The following VDAC2 variants were observed in gnomAD, a reference collection of about 807,000 sequenced individuals.
VDAC2 encodes the protein voltage dependent anion channel 2, also known as non-selective voltage-gated ion channel VDAC2.
A neutral mutation model predicts 36.6 loss-of-function variants in VDAC2; 6 were observed. That is an observed-to-expected ratio of 0.16 (90% CI 0.09 to 0.32). The LOEUF (loss-of-function observed/expected upper bound fraction) is 0.32, where lower values mean the gene tolerates loss of function less well. VDAC2 is among the 10% of genes least tolerant of loss of function. VDAC2 has a pLI of 1.00. For missense variants in VDAC2, 247 were observed against 346.0 expected (o/e 0.71, Z 2.27); for synonymous variants, 109 against 123.8 (o/e 0.88, Z 0.79).
chr10:75,226,426 A>G (rs1009899309), intron 8 of VDAC2, among the ~76,000 whole-genome samples: 1 of 150,030 alleles, frequency 6.7e-6, no homozygotes, highest in African/African-American at 2.5e-5. Flanking sequence ...TCCAGAGCAT[A>G]AAAGTGAAAG....
chr10:75,213,000 C>T (rs1413634571), intron 3 of VDAC2, among the ~76,000 whole-genome samples: 1 of 152,116 alleles, frequency 6.6e-6, no homozygotes, highest in Non-Finnish European at 1.5e-5. Flanking sequence ...GTTCCATACC[C>T]TCCTCCCCTT....
At chr10:75,211,418 C>G in intron 2 of VDAC2, 1 of 1,458,406 alleles carries the variant, frequency 6.9e-7, no homozygotes, top group African/African-American at 1.4e-5. Flanking sequence ...GACTTTTCAG[C>G]CTTTGTACAT....
chr10:75,223,724 C>T (rs545893479), intron 8 of VDAC2, among the ~76,000 whole-genome samples: 16 of 152,236 alleles, frequency 1.1e-4, no homozygotes, highest in African/African-American at 3.4e-4. Context: ...TAGGTAGCTT[C>T]GGGCTGGAGG....
chr10:75,214,700 T>G (rs1841543894), intron 4 of VDAC2, among the ~76,000 whole-genome samples: 1 of 152,148 alleles, frequency 6.6e-6, no homozygotes, highest in Admixed American at 6.5e-5. Flanking sequence ...GATTTTTGTA[T>G]TTTTAGTAGA....
rs1026025373 is a variant in VDAC2, at chr10:75,226,514, T to G, written c.736-3130T>G. Among the ~76,000 whole-genome samples the G allele has an allele frequency of 3.4e-5, 5 of 146,376 alleles. 1 individual carries two copies. The highest frequency in any genetic ancestry group is 2.1e-4 in the Admixed American group (3 of 14,100). Reference sequence around the variant, plus strand: ...GTCATCCAGGCTGGATGGAGTACAGTGGCACCATCTCTGCTCACTGCAACC... The same window carrying G: ...GTCATCCAGGCTGGATGGAGTACAGGGGCACCATCTCTGCTCACTGCAACC... On this transcript the variant is annotated intron_variant, in intron 8 of 9. Transcript: ENST00000332211.
intron 1 of VDAC2, 66 bp downstream of exon 1, chr10:75,211,004 C>T (rs1322522727): frequency 1.3e-5 from 11 of 849,714 alleles, no homozygotes; most frequent in Non-Finnish European, 1.8e-5. Flanking sequence ...CGGAGGCCCG[C>T]GCCGGACTCG....
rs3832679 is a variant in VDAC2, at chr10:75,220,522, CTGAT to C, written c.357-218_357-215del. On this transcript the variant is annotated intron_variant, in intron 6 of 9. Coordinates refer to ENST00000332211, the MANE Select transcript of VDAC2 (RefSeq NM_001391963.1). ...ATGTGTTTCTAACAGGCTTTTGTGA[CTGAT>C]TGTTTGTTCTGCAAAGCAGTTTTCC... Among the ~76,000 whole-genome samples the C allele has an allele frequency of 2.3e-3, 357 of 152,126 alleles. 12 individuals are homozygous for C. In the East Asian group the frequency reaches 0.058, roughly 25 times the overall value.
At chr10:75,220,062 G>A (rs1841763934) in intron 6 of VDAC2, among the ~76,000 whole-genome samples, 1 of 150,868 alleles carries the variant, frequency 6.6e-6, no homozygotes, top group African/African-American at 2.4e-5. Context: ...TCCTGACCTC[G>A]TGATCTGCCC....
chr10:75,213,919 G>A, intron 3 of VDAC2, 102 bp from the exon 4 acceptor site: 2 of 1,112,414 alleles, frequency 1.8e-6, no homozygotes, highest in Non-Finnish European at 2.7e-6. Flanking sequence ...ATCCACCTCT[G>A]AATATGTGGA....
chr10:75,220,685 T>C, intron 6 of VDAC2, 58 bp from the exon 7 acceptor site: 1 of 1,456,892 alleles, frequency 6.9e-7, no homozygotes, highest in Non-Finnish European at 9.4e-7. Flanking sequence ...TTTTGTGCTC[T>C]CTTGTGCAGA....
chr10:75,211,341 A>C, intron 2 of VDAC2, 152 bp downstream of exon 2: 2 of 1,391,542 alleles, frequency 1.4e-6, no homozygotes, highest in Non-Finnish European at 1.9e-6. Flanking sequence ...TCCTCTGCGG[A>C]GGAGGGGCTG....
Position 75,231,061 on chromosome 10 carries a change from A to C in VDAC2, c.*72A>C. 8.7e-7 allele frequency: 1 copy of C among 1,148,732 alleles called. No homozygotes were observed. Among genetic ancestry groups the C allele is most frequent in the South Asian group, 1.4e-5 (1 of 71,124 alleles). 71.2% of individuals were successfully genotyped at this position (1,148,732 alleles called of 1,614,324 possible). On this transcript the variant is annotated 3_prime_UTR_variant, in exon 10 of 10. Coordinates refer to ENST00000332211, the MANE Select transcript of VDAC2 (RefSeq NM_001391963.1). Reference sequence around the variant, plus strand: ...TTAATATATTTCCATTGTGACCAGCAGCAGGCTTTTTTCCCCCAAGAAGAT... The same window carrying C: ...TTAATATATTTCCATTGTGACCAGCCGCAGGCTTTTTTCCCCCAAGAAGAT...
intron 8 of VDAC2, among the ~76,000 whole-genome samples, chr10:75,225,125 G>C (rs1656410513): frequency 6.6e-6 from 1 of 152,152 alleles, no homozygotes; most frequent in Non-Finnish European, 1.5e-5. Flanking sequence ...GCCTCCTCAG[G>C]ATATAATACC....
chr10:75,211,488 ATCAATCACTTTTCTAGAGGAAG>A, intron 2 of VDAC2: 1 of 1,531,174 alleles, frequency 6.5e-7, no homozygotes, highest in Non-Finnish European at 8.8e-7. Flanking sequence ...GGAGGATCGG[ATCAATCACTTTTCTAGAGGAAG>A]TAGCAGTCCC....
Position 75,219,337 on chromosome 10 carries a change from A to G in VDAC2, c.337A>G (p.Thr113Ala). The G allele has an allele frequency of 1.2e-6, 2 of 1,600,364 alleles. No individual in the cohort carries two copies. ...AGGTTTGAAACTGACATTTGATACT[A>G]CCTTCTCACCAAACACAGGGTAAGC... ...CQGLKLTFDT[T>A]FSPNTGKKSG... Residue 113 changes from threonine (T) to alanine (A), a missense_variant, in exon 6 of 10, where the codon ACC (threonine) becomes GCC (alanine). Thr to Ala is a moderately conservative substitution (Grantham distance 58). Coordinates refer to ENST00000332211, the MANE Select transcript of VDAC2 (RefSeq NM_001391963.1).
rs17849278 is a variant in VDAC2 at position 75,222,255 on chromosome 10, T to C, written c.588T>C (p.Asn196=). 5,415 of 1,613,458 alleles carry C rather than the reference T, an allele frequency of 3.4e-3. 153 individuals carry two copies. The African/African-American group carries it at 0.063, about 19-fold the overall frequency. ...TGDFQLHTNV[N]DGTEFGGSIY... Reference sequence around the variant, plus strand: ...ACTAATTTAAAATATCTTATAGCAATGATGGGACAGAATTTGGAGGATCAA... The same window carrying C: ...ACTAATTTAAAATATCTTATAGCAACGATGGGACAGAATTTGGAGGATCAA... Residue 196 remains asparagine (N), a synonymous_variant, in exon 8 of 10, where the codon AAT becomes AAC. Coordinates refer to ENST00000332211, the MANE Select transcript of VDAC2 (RefSeq NM_001391963.1).
intron 8 of VDAC2, among the ~76,000 whole-genome samples, chr10:75,223,869 AGGTCAGTGAGCTAG>A (rs1841887569): frequency 6.6e-6 from 1 of 152,158 alleles, no homozygotes; most frequent in African/African-American, 2.4e-5. Context: ...ACAAGGACAG[AGGTCAGTGAGCTAG>A]GTAGCTGAGG....
intron 7 of VDAC2, among the ~76,000 whole-genome samples, chr10:75,221,260 T>C (rs576434435): frequency 1.3e-5 from 2 of 152,358 alleles, no homozygotes; most frequent in Admixed American, 1.3e-4. Context: ...TTCATTTTAC[T>C]TAATTATTTT....
Position 75,229,630 on chromosome 10 carries a change from G to A in VDAC2, c.736-14G>A. ...AAATATTTTTCTTACAGTTGTTTTTGTATTTTATTTTAGGCAAAAGTCAAC... is the reference window on the plus strand; with the variant it reads ...AAATATTTTTCTTACAGTTGTTTTTATATTTTATTTTAGGCAAAAGTCAAC... On this transcript the variant is annotated splice_polypyrimidine_tract_variant and intron_variant, in intron 8 of 9. Transcript: ENST00000332211. 1.3e-6 allele frequency: 2 copies of A among 1,588,992 alleles called. No homozygotes were observed. The highest frequency in any genetic ancestry group is 1.7e-6 in the Non-Finnish European group (2 of 1,167,974).
Sources: gnomAD v4.1 joint callset for allele counts (sites outside exome capture counted in the v4.1 genomes callset) on GRCh38, gnomAD v4.1.1 for gene constraint, MANE v1.5 for transcripts, NCBI Gene and HGNC (gene_info 2026-07-23, HGNC 2026-07-21) for gene names.